The following AFG3L2 variants were observed in gnomAD, a reference collection of about 807,000 sequenced individuals.
The protein encoded by AFG3L2 is AFG3 like matrix AAA peptidase subunit 2, also known as mitochondrial inner membrane m-AAA protease component AFG3L2.
In AFG3L2, 54 loss-of-function variants were observed where a neutral mutation model predicts 94.5. The observed-to-expected ratio is 0.57, with a 90% CI of 0.46 to 0.72. AFG3L2 has a LOEUF of 0.72. AFG3L2 is among the 30% of genes least tolerant of loss of function. The pLI is 0.00. For missense variants in AFG3L2, 754 were observed against 994.9 expected (o/e 0.76, Z 3.26); for synonymous variants, 377 against 365.5 (o/e 1.03, Z -0.36).
At chr18:12,347,575 G>C (rs1413200178) in intron 13 of AFG3L2, among the ~76,000 whole-genome samples, 1 of 148,692 alleles carries the variant, frequency 6.7e-6, no homozygotes, top group Non-Finnish European at 1.5e-5. Flanking sequence ...TTTTGAGACA[G>C]AGACTTACTC....
intron 9 of AFG3L2, among the ~76,000 whole-genome samples, chr18:12,354,314 C>T (rs1456686726): frequency 6.6e-6 from 1 of 152,150 alleles, no homozygotes; most frequent in Non-Finnish European, 1.5e-5. Context: ...CCATCCCATC[C>T]CGGCATGAAC....
intron 1 of AFG3L2, among the ~76,000 whole-genome samples, chr18:12,376,340 C>CT (rs1909155467): frequency 6.6e-6 from 1 of 152,220 alleles, no homozygotes; most frequent in African/African-American, 2.4e-5. Context: ...TGTCAACACT[C>CT]TATCATTATG....
At chr18:12,366,042 T>C (rs1319330771) in intron 5 of AFG3L2, among the ~76,000 whole-genome samples, 1 of 151,934 alleles carries the variant, frequency 6.6e-6, no homozygotes, top group Non-Finnish European at 1.5e-5. Flanking sequence ...ACCCGGCTAA[T>C]TTTTTGTATT....
intron 6 of AFG3L2, among the ~76,000 whole-genome samples, chr18:12,360,799 C>T (rs191434568): frequency 3.3e-5 from 5 of 152,272 alleles, no homozygotes; most frequent in African/African-American, 1.2e-4. Context: ...AAAACTTGCT[C>T]ATGGTCACAC....
intron 12 of AFG3L2, among the ~76,000 whole-genome samples, chr18:12,349,850 C>G (rs1024723876): frequency 6.6e-6 from 1 of 151,810 alleles, no homozygotes. Context: ...TTAGTAGAGA[C>G]AGGGTTTCGC....
At chr18:12,342,347 T>C (rs1178950476) in intron 14 of AFG3L2, 1 of 152,224 alleles carries the variant, frequency 6.6e-6, no homozygotes, top group African/African-American at 2.4e-5. Context: ...CCCACTCATA[T>C]ACCTTCTGGG....
chr18:12,352,939 G>C, intron 10 of AFG3L2, 66 bp downstream of exon 10: 2 of 1,600,138 alleles, frequency 1.2e-6, no homozygotes, highest in South Asian at 1.1e-5. Context: ...GGACGACAGA[G>C]TCAGACTCCA....
In AFG3L2 at chr18:12,363,931, T is replaced by G. The variant is rs1259488543; in HGVS notation, c.553-75A>C. 4.2e-5 allele frequency: 46 copies of G among 1,103,694 alleles called. 1 individual carries two copies. Among genetic ancestry groups the G allele is most frequent in the Non-Finnish European group, 6.1e-5 (44 of 717,904 alleles). 68.4% of individuals were successfully genotyped at this position (1,103,694 alleles called of 1,614,324 possible). ...GATACTCTTTTAAGCTCATTTAAAA[T>G]GCATATGATGTTTCAGCCACACAAG... On this transcript the variant is annotated intron_variant, in intron 5 of 16. Transcript: ENST00000269143.
intron 1 of AFG3L2, 143 bp downstream of exon 1, chr18:12,376,826 C>T (rs1329989722): frequency 2.4e-5 from 13 of 553,030 alleles, no homozygotes; most frequent in Non-Finnish European, 3.6e-5. Context: ...GGCTGAGAGA[C>T]AGCGCAGGGC....
chr18:12,345,201 C>A (rs1908094934), intron 13 of AFG3L2, among the ~76,000 whole-genome samples: 2 of 152,232 alleles, frequency 1.3e-5, no homozygotes, highest in Non-Finnish European at 2.9e-5. Context: ...AGAGGGCAAA[C>A]CCCAGCGACA....
At chr18:12,337,152 C>T (rs775201078) in intron 16 of AFG3L2, 189 bp downstream of exon 16, 2 of 650,134 alleles carry the variant, frequency 3.1e-6, no homozygotes, top group South Asian at 3.4e-5. Context: ...ACAGTGTCAA[C>T]TTCTGCTCAC....
chr18:12,343,204 TAATG>T (rs1450943876), intron 14 of AFG3L2: 1 of 152,258 alleles, frequency 6.6e-6, no homozygotes, highest in Non-Finnish European at 1.5e-5. Context: ...CTGAAATTGC[TAATG>T]AAATTGAATT....
At position 12,353,040 on chromosome 18, in the gene AFG3L2, T is replaced by A. The variant is rs1400241931; in HGVS notation, c.1283A>T (p.Glu428Val). The A allele has an allele frequency of 6.2e-7, 1 of 1,613,998 alleles. No individual in the cohort carries two copies. Among genetic ancestry groups the A allele is most frequent in the Non-Finnish European group, 8.5e-7 (1 of 1,180,004 alleles). Residue 428 changes from glutamate to valine, a missense_variant, in exon 10 of 17, where the codon GAG (glutamate) becomes GTG (valine). Coordinates refer to ENST00000269143, the MANE Select transcript of AFG3L2 (RefSeq NM_006796.3). ...RGNFGGQSEQ[E>V]NTLNQLLVEM... is the part of the protein sequence containing the mutation. ...CACCAGCAGCTGGTTGAGTGTGTTC[T>A]CCTGCTCACTCTGCCCTCCAAAGTT... is the stretch of plus-strand genomic sequence containing the variant.
chr18:12,337,349 C>G lies in AFG3L2; in HGVS notation c.2167G>C (p.Val723Leu). 6.2e-7 allele frequency: 1 copy of G among 1,614,020 alleles called. No homozygotes were observed. Among genetic ancestry groups the G allele is most frequent in the Non-Finnish European group, 8.5e-7 (1 of 1,179,890 alleles). Reference sequence around the variant, plus strand: ...CCACAACTGGCACCTACCTTCTCCACGTCAGCTTTCTTTTCTGTGAGAAGA... The same window carrying G: ...CCACAACTGGCACCTACCTTCTCCAGGTCAGCTTTCTTTTCTGTGAGAAGA... ...VALLTEKKADVEKVALLLLEK... is the reference protein window; with the variant it reads ...VALLTEKKADLEKVALLLLEK... Residue 723 changes from valine (V) to leucine (L), a missense_variant, in exon 16 of 17, where the codon GTG becomes CTG. Around this residue, in one of 4 missense-constraint regions of AFG3L2, gnomAD observed 279 missense variants for 378.6 expected, o/e 0.74. Coordinates refer to ENST00000269143, the MANE Select transcript of AFG3L2 (RefSeq NM_006796.3).
At chr18:12,367,230 G>T (rs564492519) in intron 4 of AFG3L2, 46 bp downstream of exon 4, 1 of 1,612,868 alleles carries the variant, frequency 6.2e-7, no homozygotes, top group Admixed American at 1.7e-5. Flanking sequence ...ACCTTCTCTG[G>T]GCCACCATCA....
intron 7 of AFG3L2, 73 bp downstream of exon 7, chr18:12,359,854 C>T: frequency 6.4e-6 from 10 of 1,567,922 alleles, no homozygotes; most frequent in Non-Finnish European, 7.9e-6. Context: ...TATAGCCCTG[C>T]ACCCAGGGAC....
At chr18:12,352,596 A>G (rs911543144) in intron 10 of AFG3L2, among the ~76,000 whole-genome samples, 1 of 152,194 alleles carries the variant, frequency 6.6e-6, no homozygotes, top group Admixed American at 6.6e-5. Context: ...TGAGATGGTA[A>G]TTCTTTTGTG....
chr18:12,364,766 A>G (rs1168801279), intron 5 of AFG3L2, among the ~76,000 whole-genome samples: 1 of 152,114 alleles, frequency 6.6e-6, no homozygotes, highest in African/African-American at 2.4e-5. Context: ...CTCTGGGCAC[A>G]AGAGATCCTC....
chr18:12,332,123 A>ATT (rs10689491), intron 16 of AFG3L2, among the ~76,000 whole-genome samples: 36,849 of 131,654 alleles, frequency 0.28, 5,763 homozygotes, highest in South Asian at 0.45. Flanking sequence ...TCATAAAATG[A>ATT]TTTTTTTTTT....
Sources: gnomAD v4.1 joint callset for allele counts (sites outside exome capture counted in the v4.1 genomes callset) on GRCh38, gnomAD v4.1.1 for gene constraint, gnomAD v4.1.1 regional missense constraint, MANE v1.5 for transcripts, NCBI Gene and HGNC (gene_info 2026-07-23, HGNC 2026-07-21) for gene names.